Variants in SDK2 observed in about 807,000 individuals in gnomAD.
SDK2 encodes the protein sidekick cell adhesion molecule 2, also known as protein sidekick-2.
SDK2 carries 105 observed loss-of-function variants against 253.9 expected under a neutral mutation model. The ratio of observed to expected loss-of-function variants is 0.41; its 90% CI spans 0.35 to 0.49. The LOEUF is 0.49. Among genes scored for constraint, SDK2 ranks in the 20% least tolerant of loss-of-function variants. The pLI, the probability that SDK2 is intolerant of heterozygous loss-of-function variation, is 0.06. For synonymous variants in SDK2, 1,249 were observed against 1,234.9 expected (o/e 1.01, Z -0.24); for missense variants, 2,608 against 3,003.0 (o/e 0.87, Z 3.07).
chr17:73,608,256 T>C (rs1413383733), intron 1 of SDK2, among the ~76,000 whole-genome samples: 1 of 151,994 alleles, frequency 6.6e-6, no homozygotes, highest in African/African-American at 2.4e-5. Context: ...TTTTCTCTGA[T>C]GTGTTTCTCA....
At chr17:73,507,940 G>T (rs1370962439) in intron 1 of SDK2, among the ~76,000 whole-genome samples, 2 of 152,200 alleles carry the variant, frequency 1.3e-5, no homozygotes, top group African/African-American at 4.8e-5. Context: ...CCCCTCCAGG[G>T]CAGGAGGCAA....
rs1020121548 is a variant in SDK2, at chr17:73,534,071, C to T, written c.65-26474G>A. 3.3e-5 allele frequency among the ~76,000 whole-genome samples: 5 copies of T among 152,060 alleles called. No homozygotes were observed. The highest frequency in any genetic ancestry group is 5.9e-5 in the Non-Finnish European group (4 of 68,014). ...GCTCCTCCTCCTCCTCCTCCTTCCCCGCCTCCTCCCCTCCTCTTCCTCCTC... is the reference window on the plus strand; with the variant it reads ...GCTCCTCCTCCTCCTCCTCCTTCCCTGCCTCCTCCCCTCCTCTTCCTCCTC... On this transcript the variant is annotated intron_variant, in intron 1 of 44. Transcript: ENST00000392650. This position sits in a 1 kb window ranked among gnomAD's most constrained non-coding sequence, Gnocchi z 4.9.
At position 73,430,557 on chromosome 17, in the gene SDK2, C is replaced by T. The variant is rs1440165607; in HGVS notation, c.1537G>A (p.Ala513Thr). 2 of 1,602,386 alleles carry T rather than the reference C, an allele frequency of 1.2e-6. No individual in the cohort carries two copies. The highest frequency in any genetic ancestry group is 1.3e-5 in the African/African-American group (1 of 74,210). Residue 513 changes from alanine (A) to threonine (T), a missense_variant, in exon 12 of 45, where the codon GCC becomes ACC. By Grantham distance (58) the Ala-to-Thr change is moderately conservative. Coordinates refer to ENST00000392650, the MANE Select transcript of SDK2 (RefSeq NM_001144952.2). ...QDQSVIKGTQ[A>T]SMVCGVTHDP... ...TGGGTCACTCCGCACACCATGGAGGCCTGGGTGCCCTTGATGACACTCTGA... is the reference window on the plus strand; with the variant it reads ...TGGGTCACTCCGCACACCATGGAGGTCTGGGTGCCCTTGATGACACTCTGA...
chr17:73,527,903 G>T (rs895065461), intron 1 of SDK2, among the ~76,000 whole-genome samples: 1 of 152,174 alleles, frequency 6.6e-6, no homozygotes, highest in African/African-American at 2.4e-5. Flanking sequence ...TTCTGGTGCT[G>T]ACGATGGGGG....
At chr17:73,557,306 ATTT>A (rs11288025) in intron 1 of SDK2, among the ~76,000 whole-genome samples, 2 of 146,318 alleles carry the variant, frequency 1.4e-5, no homozygotes, top group Non-Finnish European at 3.0e-5. Context: ...GTACCTCGAG[ATTT>A]TTTTTTTTTT....
intron 1 of SDK2, among the ~76,000 whole-genome samples, chr17:73,551,117 G>A (rs540344406): frequency 6.3e-4 from 96 of 152,294 alleles, no homozygotes; most frequent in African/African-American, 2.2e-3. Flanking sequence ...CACAGCCCAC[G>A]AAGGACACAG....
chr17:73,522,364 C>T (rs1166860744), intron 1 of SDK2, among the ~76,000 whole-genome samples: 1 of 152,234 alleles, frequency 6.6e-6, no homozygotes, highest in Admixed American at 6.5e-5. Context: ...CATTCCCAGA[C>T]AACAGCCTGG....
At chr17:73,415,186 G>C (rs34528142) in intron 17 of SDK2, among the ~76,000 whole-genome samples, 21,664 of 152,032 alleles carry the variant, frequency 0.14, 1,691 homozygotes, top group Middle Eastern at 0.24. Context: ...TTGGCCTGGG[G>C]TGGTGATTCC....
intron 43 of SDK2, among the ~76,000 whole-genome samples, chr17:73,349,570 G>C (rs1304954518): frequency 1.3e-5 from 2 of 152,234 alleles, no homozygotes; most frequent in Non-Finnish European, 2.9e-5. Context: ...TGGCCACAGG[G>C]AGTAGGGCCT....
chr17:73,526,197 G>A (rs2064124029), intron 1 of SDK2, among the ~76,000 whole-genome samples: 1 of 152,190 alleles, frequency 6.6e-6, no homozygotes, highest in Admixed American at 6.5e-5. Context: ...TGCAAGGAAC[G>A]GTGGCTTCTG....
At chr17:73,564,059 C>T (rs563810223) in intron 1 of SDK2, among the ~76,000 whole-genome samples, 1 of 152,190 alleles carries the variant, frequency 6.6e-6, no homozygotes, top group East Asian at 1.9e-4. Context: ...CAGGTATGAG[C>T]CGCTGTGCCC....
At chr17:73,494,562 C>CT (rs1426637291) in intron 2 of SDK2, among the ~76,000 whole-genome samples, 1 of 152,208 alleles carries the variant, frequency 6.6e-6, no homozygotes, top group East Asian at 1.9e-4. Context: ...ACTTTTGCAT[C>CT]TTTTTTCCGC....
intron 1 of SDK2, among the ~76,000 whole-genome samples, chr17:73,543,793 C>T (rs1295533338): frequency 1.3e-5 from 2 of 152,222 alleles, no homozygotes; most frequent in Non-Finnish European, 2.9e-5. Context: ...TCCCAAGGTG[C>T]AGGGGGAGAG....
In SDK2 at chr17:73,541,095, T is replaced by C. The variant is rs1398198496; in HGVS notation, c.65-33498A>G. Among the ~76,000 whole-genome samples the C allele has an allele frequency of 6.6e-6, 1 of 152,122 alleles. No homozygotes were observed. The highest frequency in any genetic ancestry group is 1.5e-5 in the Non-Finnish European group (1 of 68,022). On this transcript the variant is annotated intron_variant, in intron 1 of 44. Transcript: ENST00000392650. The surrounding 1 kb of genome is among the most constrained non-coding windows in gnomAD (Gnocchi z 4.3). ...TGTCTGCCAGTGTCTGCCCAGCCCC[T>C]AACATGGGGCACCCCTCCCGCTACT...
rs545696462 is a variant in SDK2 at position 73,447,690 on chromosome 17, G to A, written c.538C>T (p.Arg180Cys). 10 of 1,551,742 alleles carry A rather than the reference G, an allele frequency of 6.4e-6. No homozygotes were observed. The highest frequency in any genetic ancestry group is 3.3e-4 in the Middle Eastern group (2 of 5,992). ...ILSTVAPDAGRYYVQAVNDKN... is the reference protein window; with the variant it reads ...ILSTVAPDAGCYYVQAVNDKN... ...TCGTTAACAGCCTGCACATAGTAGCGACCTGCGTCAGGGGCCACCGTTGAC... is the reference window on the plus strand; with the variant it reads ...TCGTTAACAGCCTGCACATAGTAGCAACCTGCGTCAGGGGCCACCGTTGAC... The change falls in exon 5 of 45, where the codon CGC (arginine) becomes TGC (cysteine). Residue 180 changes from arginine to cysteine, a missense_variant. Arg to Cys is a radical substitution (Grantham distance 180). Transcript: ENST00000392650. This position sits in a 1 kb window ranked among gnomAD's most constrained non-coding sequence, Gnocchi z 4.0.
chr17:73,487,765 G>T (rs2063778794), intron 2 of SDK2, among the ~76,000 whole-genome samples: 2 of 152,224 alleles, frequency 1.3e-5, no homozygotes, highest in Non-Finnish European at 2.9e-5. Context: ...GGGTCTAGGT[G>T]ATGACGGAGG....
At chr17:73,622,803 TG>T (rs2046149669) in intron 1 of SDK2, among the ~76,000 whole-genome samples, 1 of 152,242 alleles carries the variant, frequency 6.6e-6, no homozygotes. Context: ...TGCGCATGAT[TG>T]GGGCTGGTTC....
chr17:73,478,891 C>G (rs1385334079), intron 2 of SDK2, among the ~76,000 whole-genome samples: 1 of 152,250 alleles, frequency 6.6e-6, no homozygotes, highest in Non-Finnish European at 1.5e-5. Context: ...CGGTGATGCT[C>G]CCATGGAGGA....
At chr17:73,486,846 C>A (rs921471823) in intron 2 of SDK2, among the ~76,000 whole-genome samples, 1 of 152,004 alleles carries the variant, frequency 6.6e-6, no homozygotes, top group African/African-American at 2.4e-5. Context: ...GGTGGGCTGG[C>A]GGTTCAAAAC....
Sources: allele counts gnomAD v4.1 joint callset (sites outside exome capture counted in the v4.1 genomes callset), GRCh38; gene constraint gnomAD v4.1.1; non-coding constraint Gnocchi (gnomAD v3.1); transcripts MANE v1.5; gene names NCBI Gene and HGNC (gene_info 2026-07-23, HGNC 2026-07-21).